ZNF569: variants seen among roughly 807,000 people sequenced by gnomAD.
ZNF569 encodes the protein zinc finger protein 569.
ZNF569 carries 38 observed loss-of-function variants against 56.3 expected under a neutral mutation model. That is an observed-to-expected ratio of 0.68 (90% confidence interval 0.52 to 0.88). The LOEUF (loss-of-function observed/expected upper bound fraction) is 0.88, where lower values mean the gene tolerates loss of function less well. Among genes scored for constraint, ZNF569 ranks in the 40% least tolerant of loss-of-function variants. The pLI is 0.00. For synonymous variants in ZNF569, 241 were observed against 262.9 expected (o/e 0.92, Z 0.81); for missense variants, 666 against 809.2 (o/e 0.82, Z 2.15).
intron 5 of ZNF569, among the ~76,000 whole-genome samples, chr19:37,419,853 A>G (rs2041000123): frequency 1.3e-5 from 2 of 152,090 alleles, no homozygotes; most frequent in Non-Finnish European, 2.9e-5. Flanking sequence ...TCAGTGAGTC[A>G]TAATCTTTTT....
chr19:37,452,372 T>A (rs1427335275), intron 2 of ZNF569, among the ~76,000 whole-genome samples: 2 of 152,212 alleles, frequency 1.3e-5, no homozygotes, highest in African/African-American at 4.8e-5. Flanking sequence ...TGTATTTACA[T>A]ATATATTTAC....
At chr19:37,449,896 G>A (rs150233024) in intron 2 of ZNF569, among the ~76,000 whole-genome samples, 21 of 152,254 alleles carry the variant, frequency 1.4e-4, no homozygotes, top group African/African-American at 4.3e-4. Context: ...GGATTAAGAT[G>A]TACCATCTTC....
At chr19:37,421,085 C>T (rs1392769804) in intron 5 of ZNF569, among the ~76,000 whole-genome samples, 1 of 152,144 alleles carries the variant, frequency 6.6e-6, no homozygotes, top group Non-Finnish European at 1.5e-5. Context: ...CAACAGTGGG[C>T]TTAAAATATT....
chr19:37,418,498 G>C (rs2040974611), intron 5 of ZNF569, among the ~76,000 whole-genome samples: 1 of 152,112 alleles, frequency 6.6e-6, no homozygotes, highest in Admixed American at 6.6e-5. Context: ...AATTTTAGCA[G>C]ATGGAAGAAG....
intron 3 of ZNF569, among the ~76,000 whole-genome samples, chr19:37,433,341 T>A (rs2041256217): frequency 6.6e-6 from 1 of 152,154 alleles, no homozygotes; most frequent in Non-Finnish European, 1.5e-5. Flanking sequence ...GAATGAAGCA[T>A]GCCTGTAAGA....
chr19:37,437,844 T>C (rs2041337297), intron 3 of ZNF569, among the ~76,000 whole-genome samples: 1 of 152,164 alleles, frequency 6.6e-6, no homozygotes, highest in African/African-American at 2.4e-5. Flanking sequence ...AATGGAAAGA[T>C]AGTCCATGCT....
At chr19:37,448,333 C>G (rs1326555919) in intron 2 of ZNF569, among the ~76,000 whole-genome samples, 1 of 152,056 alleles carries the variant, frequency 6.6e-6, no homozygotes, top group African/African-American at 2.4e-5. Flanking sequence ...ACTCATTCAT[C>G]CAAGTTGTCA....
chr19:37,417,088 A>C (rs1056581352), intron 5 of ZNF569, among the ~76,000 whole-genome samples: 3 of 152,190 alleles, frequency 2.0e-5, no homozygotes, highest in African/African-American at 7.2e-5. Context: ...AAGAAATGCC[A>C]TGTGAAGATG....
In ZNF569 at chr19:37,414,111, T is replaced by C. The variant is rs752800971; in HGVS notation, c.547A>G (p.Ile183Val). ...CAATGATTACACTTAAAGGGGGTAA[T>C]GACAAAATGGGATGAGCTATTACCA... ...SYGNSSSHFV[I>V]TPFKCNHCGK... The change falls in exon 6 of 6, where the codon ATT (isoleucine) becomes GTT (valine). Residue 183 changes from isoleucine (I) to valine (V), a missense_variant. Ile to Val is a conservative substitution (Grantham distance 29). Transcript: ENST00000316950. 9.9e-6 allele frequency: 16 copies of C among 1,613,742 alleles called. No individual in the cohort carries two copies. The highest frequency in any genetic ancestry group is 1.3e-5 in the Non-Finnish European group (15 of 1,179,920).
intron 5 of ZNF569, among the ~76,000 whole-genome samples, chr19:37,422,951 A>G (rs2041063072): frequency 6.6e-6 from 1 of 152,224 alleles, no homozygotes; most frequent in Admixed American, 6.5e-5. Flanking sequence ...TAGGAAAACA[A>G]GCAACTGTTA....
chr19:37,449,025 T>C (rs140775960), intron 2 of ZNF569, among the ~76,000 whole-genome samples: 3 of 152,340 alleles, frequency 2.0e-5, no homozygotes, highest in African/African-American at 7.2e-5. Flanking sequence ...TGGTGTGCTG[T>C]ATTTCCATTT....
chr19:37,425,507 G>A, intron 5 of ZNF569: 1 of 154,530 alleles, frequency 6.5e-6, no homozygotes, highest in East Asian at 1.9e-4. Flanking sequence ...ATTTTTAGTA[G>A]AGATGGGGTT....
At chr19:37,421,940 G>A (rs1384279614) in intron 5 of ZNF569, among the ~76,000 whole-genome samples, 4 of 151,800 alleles carry the variant, frequency 2.6e-5, no homozygotes, top group African/African-American at 9.7e-5. Context: ...AGTAGAGACA[G>A]GGTTTCACCA....
chr19:37,428,414 T>C (rs542708833), intron 3 of ZNF569, among the ~76,000 whole-genome samples: 2 of 151,374 alleles, frequency 1.3e-5, no homozygotes, highest in African/African-American at 4.8e-5. Flanking sequence ...CCCAGCTACT[T>C]GGGAGGCTGA....
At chr19:37,419,370 GT>G (rs1054033934) in intron 5 of ZNF569, among the ~76,000 whole-genome samples, 3 of 152,176 alleles carry the variant, frequency 2.0e-5, no homozygotes, top group Non-Finnish European at 4.4e-5. Context: ...TGTGGGTTCA[GT>G]TCCACACCAC....
intron 5 of ZNF569, among the ~76,000 whole-genome samples, chr19:37,415,597 G>A (rs775475700): frequency 9.2e-5 from 14 of 151,982 alleles, no homozygotes; most frequent in Admixed American, 2.0e-4. Context: ...GAGGCCGGGC[G>A]CGGTGGCTCA....
chr19:37,445,478 G>C (rs1227277140), intron 2 of ZNF569, among the ~76,000 whole-genome samples: 1 of 152,072 alleles, frequency 6.6e-6, no homozygotes, highest in African/African-American at 2.4e-5. Flanking sequence ...GAAATAAAAG[G>C]CATCCAAATT....
At chr19:37,446,340 G>A (rs12972252) in intron 2 of ZNF569, among the ~76,000 whole-genome samples, 31,168 of 151,880 alleles carry the variant, frequency 0.21, 3,414 homozygotes, top group South Asian at 0.32. Context: ...ACGAGGTCAG[G>A]AGATTGAGAC....
chr19:37,441,620 C>T lies in ZNF569; in HGVS notation c.15+3287G>A, dbSNP rs952501169. 1.4e-4 allele frequency among the ~76,000 whole-genome samples: 21 copies of T among 151,628 alleles called. 1 individual carries two copies. The highest frequency in any genetic ancestry group is 9.2e-4 in the Admixed American group (14 of 15,232). ...AGGTTGCAGCGAGCTGAGATTGTGC[C>T]ACGCCAGCCTGGGTGACAGAGTAAG... On this transcript the variant is annotated intron_variant, in intron 3 of 5. Transcript: ENST00000316950.
Sources: gnomAD v4.1 joint callset for allele counts (sites outside exome capture counted in the v4.1 genomes callset) on GRCh38, gnomAD v4.1.1 for gene constraint, MANE v1.5 for transcripts, NCBI Gene and HGNC (gene_info 2026-07-23, HGNC 2026-07-21) for gene names.